PDE12: variants seen among roughly 807,000 people sequenced by gnomAD.
The protein encoded by PDE12 is 2',5'-phosphodiesterase 12.
Under a neutral mutation model 45.4 loss-of-function variants are expected in PDE12, and 26 were observed. The observed-to-expected ratio is 0.57, with a 90% CI of 0.42 to 0.79. The LOEUF (loss-of-function observed/expected upper bound fraction) is 0.79, where lower values mean the gene tolerates loss of function less well. PDE12 is among the 30% of genes least tolerant of loss of function. The probability of loss-of-function intolerance (pLI) is 0.00; values close to 1 mark genes in which losing one functional copy is unlikely to be tolerated. For synonymous variants in PDE12, 283 were observed against 323.9 expected (o/e 0.87, Z 1.36); for missense variants, 668 against 790.0 (o/e 0.85, Z 1.85).
chr3:57,644,314 AT>A, the PDE12 span, among the ~76,000 whole-genome samples: 6 of 151,642 alleles, frequency 4.0e-5, no homozygotes, highest in African/African-American at 1.5e-4. Context: ...TTACAAAAAA[AT>A]TTTTTTTGAG....
At chr3:57,615,556 C>T in the PDE12 span, among the ~76,000 whole-genome samples, 1 of 151,818 alleles carries the variant, frequency 6.6e-6, no homozygotes, top group Non-Finnish European at 1.5e-5. Context: ...CGTGAGCCAG[C>T]ACCTTGGGAG....
the PDE12 span, among the ~76,000 whole-genome samples, chr3:57,605,708 G>A: frequency 1.1e-4 from 17 of 152,084 alleles, no homozygotes; most frequent in Admixed American, 1.1e-3. Flanking sequence ...CATGCAAAGA[G>A]GAAGGAATAC....
chr3:57,646,286 A>C, the PDE12 span: 3 of 1,585,748 alleles, frequency 1.9e-6, no homozygotes, highest in Admixed American at 1.9e-5. Flanking sequence ...CCAAAAAAAA[A>C]ACCCAGAAAT....
the PDE12 span, chr3:57,584,431 A>G: frequency 1.2e-6 from 2 of 1,613,888 alleles, no homozygotes; most frequent in Non-Finnish European, 1.7e-6. Context: ...CAGTTTATAC[A>G]GAATGGTTGT....
chr3:57,650,296 C>CA, the PDE12 span, among the ~76,000 whole-genome samples: 3 of 148,740 alleles, frequency 2.0e-5, no homozygotes, highest in East Asian at 2.0e-4. Flanking sequence ...TTGAAATAAA[C>CA]AAAAAACCTA....
chr3:57,606,234 G>A, the PDE12 span, among the ~76,000 whole-genome samples: 1 of 152,148 alleles, frequency 6.6e-6, no homozygotes, highest in Non-Finnish European at 1.5e-5. Context: ...CTTAAAAGCA[G>A]TCAGAGAAAA....
chr3:57,592,112 A>C, the PDE12 span, among the ~76,000 whole-genome samples: 2 of 152,108 alleles, frequency 1.3e-5, no homozygotes, highest in African/African-American at 4.8e-5. Context: ...AAAACCAAAA[A>C]ACCTAGTTCT....
chr3:57,559,960 C>T lies in PDE12; in HGVS notation c.1786C>T (p.Pro596Ser). 6.2e-7 allele frequency: 1 copy of T among 1,612,294 alleles called. No individual in the cohort carries two copies. The change falls in exon 3 of 3, where the codon CCC (proline) becomes TCC (serine). Residue 596 changes from proline to serine, a missense_variant. Coordinates refer to ENST00000311180, the MANE Select transcript of PDE12 (RefSeq NM_177966.7). ...THQALPSVSH[P>S]SDHIALVCDL... ...CCAGGCCTTACCTAGTGTTTCCCATCCCTCTGATCACATAGCACTTGTATG... is the reference window on the plus strand; with the variant it reads ...CCAGGCCTTACCTAGTGTTTCCCATTCCTCTGATCACATAGCACTTGTATG...
At chr3:57,635,106 G>A in the PDE12 span, among the ~76,000 whole-genome samples, 2 of 152,098 alleles carry the variant, frequency 1.3e-5, no homozygotes, top group Admixed American at 6.6e-5. Flanking sequence ...TGAAAATTTA[G>A]ATGCTGAATA....
chr3:57,577,210 C>CA, the PDE12 span: 1 of 889,580 alleles, frequency 1.1e-6, no homozygotes, highest in South Asian at 1.5e-5. Context: ...CTAGCCCCCC[C>CA]AATCCATTTG....
chr3:57,637,762 A>T, the PDE12 span, among the ~76,000 whole-genome samples: 1 of 122,384 alleles, frequency 8.2e-6, no homozygotes, highest in Non-Finnish European at 1.8e-5. Flanking sequence ...AATAAATAAG[A>T]CTTCAAAAAA....
In PDE12 at chr3:57,561,715, A is replaced by G; in HGVS notation, c.*1711A>G. On this transcript the variant is annotated 3_prime_UTR_variant, in exon 3 of 3. Transcript: ENST00000311180. ...CCCAGTCATGAAAGCCCTTGTTTCA[A>G]ATTCTTTAATCTCTGAACCTAGTAT... 2 of 985,168 alleles carry G rather than the reference A, an allele frequency of 2.0e-6. No individual in the cohort carries two copies. The highest frequency in any genetic ancestry group is 2.4e-6 in the Non-Finnish European group (2 of 829,704). 61.0% of individuals were successfully genotyped at this position (985,168 alleles called of 1,614,324 possible). A position where few individuals can be genotyped will look rare whatever the true frequency, so the allele number is the denominator to read the frequency against.
chr3:57,569,416 G>A (rs538845269), downstream of PDE12, among the ~76,000 whole-genome samples: 19 of 152,176 alleles, frequency 1.2e-4, no homozygotes, highest in African/African-American at 2.2e-4. Flanking sequence ...GCAATGGTGC[G>A]GTCTTGGCTC....
Position 57,557,558 on chromosome 3 carries a change from T to G in PDE12, c.1179T>G (p.Leu393=). Reference sequence around the variant, plus strand: ...TCTACCGAAAGTCTAAGTTCAGCCTTCTTAGCCAGCATGACATTTCATTCT... The same window carrying G: ...TCTACCGAAAGTCTAAGTTCAGCCTGCTTAGCCAGCATGACATTTCATTCT... ...ATFYRKSKFS[L]LSQHDISFYE... is the part of the protein sequence containing the mutation. The change falls in exon 1 of 3, where the codon CTT becomes CTG. Residue 393 remains leucine (L), a synonymous_variant. Transcript: ENST00000311180. 6.2e-7 allele frequency: 1 copy of G among 1,614,104 alleles called. No individual in the cohort carries two copies. Among genetic ancestry groups the G allele is most frequent in the Middle Eastern group, 1.6e-4 (1 of 6,062 alleles).
At chr3:57,581,108 T>C in the PDE12 span, among the ~76,000 whole-genome samples, 1 of 152,232 alleles carries the variant, frequency 6.6e-6, no homozygotes, top group Non-Finnish European at 1.5e-5. Context: ...TTATTTACAA[T>C]GGCAAATTAG....
chr3:57,560,753 A>G lies in PDE12; in HGVS notation c.*749A>G, dbSNP rs2069720758. Reference sequence around the variant, plus strand: ...AAATGAATCATGCTTATGTACTAAGAGGGAAAATGTATTTAAGTTAAGGGT... The same window carrying G: ...AAATGAATCATGCTTATGTACTAAGGGGGAAAATGTATTTAAGTTAAGGGT... On this transcript the variant is annotated 3_prime_UTR_variant, in exon 3 of 3. Coordinates refer to ENST00000311180, the MANE Select transcript of PDE12 (RefSeq NM_177966.7). The G allele has an allele frequency of 1.0e-6, 1 of 985,404 alleles. No homozygotes were observed. The highest frequency in any genetic ancestry group is 1.7e-5 in the African/African-American group (1 of 57,360). 61.0% of individuals were successfully genotyped at this position (985,404 alleles called of 1,614,324 possible).
the PDE12 span, among the ~76,000 whole-genome samples, chr3:57,628,588 A>G: frequency 6.6e-6 from 1 of 152,228 alleles, no homozygotes. Context: ...GTTTTTATAG[A>G]GCTTATTAGA....
chr3:57,570,811 T>C (rs1424884347), downstream of PDE12, among the ~76,000 whole-genome samples: 3 of 152,162 alleles, frequency 2.0e-5, no homozygotes, highest in Admixed American at 6.5e-5. Context: ...GAAAGTAGCA[T>C]CACTAAGTCT....
At chr3:57,634,469 C>A in the PDE12 span, 2 of 596,700 alleles carry the variant, frequency 3.4e-6, no homozygotes, top group Non-Finnish European at 5.0e-6. Flanking sequence ...TCCTATTTCA[C>A]ATTAGTATAC....
Sources: gnomAD v4.1 joint callset for allele counts (sites outside exome capture counted in the v4.1 genomes callset) on GRCh38, gnomAD v4.1.1 for gene constraint, MANE v1.5 for transcripts, NCBI Gene and HGNC (gene_info 2026-07-23, HGNC 2026-07-21) for gene names.